The following SUPT3H variants were observed in gnomAD, a reference collection of about 807,000 sequenced individuals.
SUPT3H encodes SPT3 homolog, SAGA and STAGA complex component.
SUPT3H carries 44 observed loss-of-function variants against 44.3 expected under a neutral mutation model. That is an observed-to-expected ratio of 0.99 (90% CI 0.78 to 1.28). The LOEUF is 1.28. SUPT3H is among the 50% of genes most tolerant of loss of function. The pLI, the probability that SUPT3H is intolerant of heterozygous loss-of-function variation, is 0.00. For synonymous variants in SUPT3H, 124 were observed against 125.6 expected, an observed-to-expected ratio of 0.99 and a Z score of 0.09; for missense variants, 380 against 387.1, an observed-to-expected ratio of 0.98 and a Z score of 0.15.
intron 10 of SUPT3H, among the ~76,000 whole-genome samples, chr6:44,892,145 C>CT (rs1337116302): frequency 6.6e-6 from 1 of 152,120 alleles, no homozygotes; most frequent in African/African-American, 2.4e-5. Flanking sequence ...CTGCTATGGA[C>CT]TGAACTGTAT....
intron 6 of SUPT3H, among the ~76,000 whole-genome samples, chr6:44,968,733 G>T (rs1325271210): frequency 6.6e-6 from 1 of 152,052 alleles, no homozygotes; most frequent in African/African-American, 2.4e-5. Context: ...CTCGTACATT[G>T]TAAGATTCAC....
At chr6:44,812,011 A>C (rs1163489468) in intron 11 of SUPT3H, among the ~76,000 whole-genome samples, 1 of 152,162 alleles carries the variant, frequency 6.6e-6, no homozygotes, top group Non-Finnish European at 1.5e-5. Flanking sequence ...CTGATAACTC[A>C]AGGTATGAGA....
chr6:44,894,609 G>C (rs1006598756), intron 10 of SUPT3H, among the ~76,000 whole-genome samples: 11 of 152,136 alleles, frequency 7.2e-5, no homozygotes, highest in African/African-American at 2.2e-4. Context: ...GTACCATGCT[G>C]TTTTGGTTAC....
chr6:45,036,311 G>C (rs557712606), intron 3 of SUPT3H, among the ~76,000 whole-genome samples: 10 of 152,242 alleles, frequency 6.6e-5, no homozygotes, highest in Admixed American at 1.3e-4. Context: ...GAAGTGCAAA[G>C]GTTCTGAGGC....
rs1022861264 is a variant in SUPT3H, at chr6:44,857,663, C to T, written c.913-27806G>A. On this transcript the variant is annotated intron_variant, in intron 10 of 10. Coordinates refer to ENST00000371459, the MANE Select transcript of SUPT3H (RefSeq NM_003599.4). ...GGAGGCCCAGTTTTTACTTTTTAGTCGATTTTTCTTACCTAGGATTACATA... is the reference window on the plus strand; with the variant it reads ...GGAGGCCCAGTTTTTACTTTTTAGTTGATTTTTCTTACCTAGGATTACATA... 2.0e-5 allele frequency among the ~76,000 whole-genome samples: 3 copies of T among 151,942 alleles called. No homozygotes were observed. In the East Asian group the frequency reaches 5.8e-4, roughly 29 times the overall value.
intron 2 of SUPT3H, chr6:45,321,893 T>C: frequency 3.3e-6 from 5 of 1,535,686 alleles, no homozygotes; most frequent in Non-Finnish European, 4.4e-6. Context: ...CCTATGAAGC[T>C]AGAAAAAAAA....
chr6:45,148,065 A>G (rs1806365141), intron 2 of SUPT3H, among the ~76,000 whole-genome samples: 1 of 152,192 alleles, frequency 6.6e-6, no homozygotes, highest in African/African-American at 2.4e-5. Flanking sequence ...AATTATAGAC[A>G]TAGATTTAAA....
chr6:45,114,688 T>C (rs1034456651), intron 2 of SUPT3H, among the ~76,000 whole-genome samples: 13 of 152,150 alleles, frequency 8.5e-5, no homozygotes, highest in Admixed American at 7.2e-4. Flanking sequence ...ATCCTACATT[T>C]CTAAGAAGCA....
In SUPT3H at chr6:44,940,952, T is replaced by C. The variant is rs140712979; in HGVS notation, c.802-8189A>G. Among the ~76,000 whole-genome samples the C allele has an allele frequency of 3.0e-4, 45 of 152,240 alleles. 1 individual carries two copies. In the East Asian group the frequency reaches 8.1e-3, roughly 27 times the overall value. ...CACTTTCAGTCCATATATGTCTTTA[T>C]AGGTAAAGTGAGTTTCTTGTAAGCA... On this transcript the variant is annotated intron_variant, in intron 9 of 10. Coordinates refer to ENST00000371459, the MANE Select transcript of SUPT3H (RefSeq NM_003599.4).
intron 2 of SUPT3H, among the ~76,000 whole-genome samples, chr6:45,158,283 T>TAC (rs1275172631): frequency 0.014 from 532 of 38,570 alleles, 9 homozygotes; most frequent in South Asian, 0.06. Context: ...TACATATATA[T>TAC]ATATATATAT....
In SUPT3H at chr6:44,972,861, A is replaced by G. The variant is rs114641893; in HGVS notation, c.505-11033T>C. 3.8e-3 allele frequency among the ~76,000 whole-genome samples: 578 copies of G among 152,226 alleles called. 3 individuals are homozygous for G. Among genetic ancestry groups the G allele is most frequent in the Non-Finnish European group, 6.4e-3 (433 of 67,992 alleles). Reference sequence around the variant, plus strand: ...GGGACACAGGGCACCAATTCCCAAAACTGCACAAAGCAGCAAGGCCCTGGG... The same window carrying G: ...GGGACACAGGGCACCAATTCCCAAAGCTGCACAAAGCAGCAAGGCCCTGGG... On this transcript the variant is annotated intron_variant, in intron 6 of 10. Coordinates refer to ENST00000371459, the MANE Select transcript of SUPT3H (RefSeq NM_003599.4).
At chr6:45,253,515 G>T (rs188433155) in intron 2 of SUPT3H, among the ~76,000 whole-genome samples, 7 of 152,102 alleles carry the variant, frequency 4.6e-5, no homozygotes, top group African/African-American at 1.4e-4. Context: ...TATAAGCTGG[G>T]CCCAGTGGCT....
chr6:44,829,909 GA>G, intron 10 of SUPT3H, 52 bp from the exon 11 acceptor site: 1 of 1,575,018 alleles, frequency 6.3e-7, no homozygotes, highest in Non-Finnish European at 8.7e-7. Flanking sequence ...GTCAAACAAG[GA>G]AAGGAGGCAA....
At chr6:45,153,160 C>T (rs1293105218) in intron 2 of SUPT3H, among the ~76,000 whole-genome samples, 1 of 152,134 alleles carries the variant, frequency 6.6e-6, no homozygotes, top group Non-Finnish European at 1.5e-5. Context: ...TATTCCATCC[C>T]CTTATCCTGC....
At chr6:45,333,308 C>G (rs943595068) in intron 2 of SUPT3H, among the ~76,000 whole-genome samples, 1 of 151,618 alleles carries the variant, frequency 6.6e-6, no homozygotes, top group African/African-American at 2.4e-5. Flanking sequence ...CAGTCAACCA[C>G]AAGCTTTTGT....
intron 2 of SUPT3H, among the ~76,000 whole-genome samples, chr6:45,356,512 C>T (rs1186406628): frequency 1.3e-5 from 2 of 152,088 alleles, no homozygotes; most frequent in South Asian, 2.1e-4. Flanking sequence ...ATTCTCCTGC[C>T]TCAGCCTCCT....
chr6:45,377,397 G>A (rs1402494566), intron 1 of SUPT3H: 1 of 152,302 alleles, frequency 6.6e-6, no homozygotes, highest in Admixed American at 6.5e-5. Context: ...GTGCCATAAA[G>A]CAACAATTTC....
chr6:45,122,038 C>CAAA (rs11437930), intron 2 of SUPT3H, among the ~76,000 whole-genome samples: 1 of 147,438 alleles, frequency 6.8e-6, no homozygotes, highest in African/African-American at 2.5e-5. Flanking sequence ...CATTTAAAAA[C>CAAA]AAAAAAAAAA....
At chr6:45,177,500 A>G (rs998772340) in intron 2 of SUPT3H, among the ~76,000 whole-genome samples, 11 of 152,324 alleles carry the variant, frequency 7.2e-5, no homozygotes, top group Non-Finnish European at 1.5e-4. Context: ...ACTCTGCAGG[A>G]TATTATCCAG....
Sources: gnomAD v4.1 joint callset for allele counts (sites outside exome capture counted in the v4.1 genomes callset) on GRCh38, gnomAD v4.1.1 for gene constraint, MANE v1.5 for transcripts, NCBI Gene and HGNC (gene_info 2026-07-23, HGNC 2026-07-21) for gene names.